WWP2: variants seen among roughly 807,000 people sequenced by gnomAD.
The protein encoded by WWP2 is NEDD4-like E3 ubiquitin-protein ligase WWP2.
Under a neutral mutation model 121.0 loss-of-function variants are expected in WWP2, and 57 were observed. That is an observed-to-expected ratio of 0.47 (90% CI 0.38 to 0.59). WWP2 has a LOEUF of 0.59. Among genes scored for constraint, WWP2 ranks in the 20% least tolerant of loss-of-function variants. WWP2 has a pLI of 0.00. For missense variants in WWP2, 962 were observed against 1,158.9 expected, an observed-to-expected ratio of 0.83 and a Z score of 2.47; for synonymous variants, 449 against 441.3, an observed-to-expected ratio of 1.02 and a Z score of -0.22.
intron 9 of WWP2, among the ~76,000 whole-genome samples, chr16:69,914,517 G>A (rs572745737): frequency 6.6e-6 from 1 of 152,090 alleles, no homozygotes; most frequent in Non-Finnish European, 1.5e-5. Flanking sequence ...CAGCACTTTG[G>A]GGGGCCAAGG....
intron 4 of WWP2, among the ~76,000 whole-genome samples, chr16:69,834,681 C>G (rs1297493032): frequency 6.6e-6 from 1 of 151,244 alleles, no homozygotes; most frequent in Admixed American, 6.6e-5. Flanking sequence ...TGCCCGCTAC[C>G]ACACCCAGCT....
intron 4 of WWP2, among the ~76,000 whole-genome samples, chr16:69,822,035 T>A (rs1456232070): frequency 1.3e-5 from 2 of 151,910 alleles, no homozygotes; most frequent in African/African-American, 2.4e-5. Flanking sequence ...TGCCCAGCTT[T>A]TTTGTATTTT....
chr16:69,856,055 T>C (rs1297929618), intron 6 of WWP2, among the ~76,000 whole-genome samples: 21 of 152,318 alleles, frequency 1.4e-4, no homozygotes, highest in South Asian at 2.1e-4. Context: ...GAGGATTGCT[T>C]GAGTCCAGGA....
intron 4 of WWP2, among the ~76,000 whole-genome samples, chr16:69,832,989 G>A (rs2056818978): frequency 6.6e-6 from 1 of 152,160 alleles, no homozygotes; most frequent in Non-Finnish European, 1.5e-5. Flanking sequence ...ATGAAGGTGG[G>A]ACCGCAGGTG....
Position 69,940,159 on chromosome 16 carries a change from C to T in WWP2, c.*219C>T, listed in dbSNP as rs1195627334. On this transcript the variant is annotated 3_prime_UTR_variant, in exon 24 of 24. Coordinates refer to ENST00000359154, the MANE Select transcript of WWP2 (RefSeq NM_001270454.2). ...GTCTGGAATAAAGCCCCCTAGTTGC[C>T]TTTGGCCCCACCTTTGCAAAGTTCC... 1 of 576,124 alleles carries T rather than the reference C, an allele frequency of 1.7e-6. No individual in the cohort carries two copies. The highest frequency in any genetic ancestry group is 3.1e-5 in the Admixed American group (1 of 31,832). The allele number at this position is 576,124 out of a possible 1,614,324, so 35.7% of individuals were successfully genotyped here.
At chr16:69,801,516 C>A (rs1462798168) in intron 4 of WWP2, among the ~76,000 whole-genome samples, 1 of 151,798 alleles carries the variant, frequency 6.6e-6, no homozygotes, top group African/African-American at 2.4e-5. Flanking sequence ...ATTACAGATG[C>A]GAGCCACTGC....
At chr16:69,843,951 G>A (rs550388315) in intron 6 of WWP2, among the ~76,000 whole-genome samples, 8 of 152,268 alleles carry the variant, frequency 5.3e-5, no homozygotes, top group East Asian at 3.9e-4. Context: ...GCCAATACCC[G>A]CAGCATCTTA....
chr16:69,851,747 G>A (rs547072895), intron 6 of WWP2, among the ~76,000 whole-genome samples: 6 of 152,172 alleles, frequency 3.9e-5, no homozygotes, highest in African/African-American at 9.6e-5. Flanking sequence ...GTGGGAGGCC[G>A]AGGCAGGCAT....
chr16:69,939,303 T>C, intron 22 of WWP2, 38 bp from the exon 23 acceptor site: 2 of 1,613,280 alleles, frequency 1.2e-6, no homozygotes, highest in Non-Finnish European at 1.7e-6. Flanking sequence ...GGAAGGGACG[T>C]CTCTGCTGAC....
intron 6 of WWP2, among the ~76,000 whole-genome samples, 168 bp downstream of exon 6, chr16:69,842,288 G>A (rs960439505): frequency 1.3e-5 from 2 of 152,054 alleles, no homozygotes; most frequent in Non-Finnish European, 2.9e-5. Context: ...CCAGAGCTTA[G>A]GATCCTTATT....
rs1003314861 is a variant in WWP2 at position 69,937,518 on chromosome 16, C to T, written c.2239-30C>T. ...TGGACGATGCGCGGGGAGGGACCTG[C>T]CGGGGATGCTGACTGCCGCCTCTCC... On this transcript the variant is annotated intron_variant, in intron 20 of 23. Coordinates refer to ENST00000359154, the MANE Select transcript of WWP2 (RefSeq NM_001270454.2). The surrounding 1 kb of genome is among the most constrained non-coding windows in gnomAD (Gnocchi z 6.6). 1 of 1,610,780 alleles carries T rather than the reference C, an allele frequency of 6.2e-7. No homozygotes were observed. The highest frequency in any genetic ancestry group is 1.7e-5 in the Admixed American group (1 of 59,918).
intron 6 of WWP2, 37 bp downstream of exon 6, chr16:69,842,157 G>T: frequency 1.3e-6 from 2 of 1,590,352 alleles, no homozygotes; most frequent in Non-Finnish European, 1.7e-6. Context: ...GAGCTAAGAA[G>T]TTGCTTAGAG....
chr16:69,880,907 G>A (rs1425017196), intron 7 of WWP2, among the ~76,000 whole-genome samples: 1 of 152,166 alleles, frequency 6.6e-6, no homozygotes, highest in Non-Finnish European at 1.5e-5. Flanking sequence ...TACACCACAC[G>A]CACCTAAGCA....
chr16:69,862,355 G>C (rs544224501), intron 6 of WWP2, among the ~76,000 whole-genome samples: 31 of 147,400 alleles, frequency 2.1e-4, no homozygotes, highest in African/African-American at 6.8e-4. Flanking sequence ...GTGAGCTACC[G>C]CGCCTGGCCC....
chr16:69,891,065 G>A (rs2058018551), intron 8 of WWP2, among the ~76,000 whole-genome samples: 1 of 152,092 alleles, frequency 6.6e-6, no homozygotes, highest in Admixed American at 6.5e-5. Context: ...GGGCTCTGTG[G>A]GCTGACTCGG....
At chr16:69,895,941 C>T (rs922061225) in intron 8 of WWP2, among the ~76,000 whole-genome samples, 1 of 152,086 alleles carries the variant, frequency 6.6e-6, no homozygotes, top group African/African-American at 2.4e-5. Context: ...TGTGACTCTG[C>T]AGGGATTGTT....
chr16:69,876,962 G>C (rs1246049621), intron 7 of WWP2, among the ~76,000 whole-genome samples: 1 of 152,122 alleles, frequency 6.6e-6, no homozygotes, highest in African/African-American at 2.4e-5. Flanking sequence ...AAGCAGAGTA[G>C]ATTTAGCATA....
chr16:69,794,632 A>C (rs894889264), intron 2 of WWP2, among the ~76,000 whole-genome samples: 2 of 152,256 alleles, frequency 1.3e-5, no homozygotes, highest in Non-Finnish European at 2.9e-5. Context: ...GATGGAATCA[A>C]CTATGTCCGA....
chr16:69,842,694 G>C (rs758066867), intron 6 of WWP2, among the ~76,000 whole-genome samples: 11 of 151,968 alleles, frequency 7.2e-5, no homozygotes, highest in Non-Finnish European at 1.5e-4. Context: ...TTTTGATATG[G>C]GGTCTTGCTT....
Sources: gnomAD v4.1 joint callset for allele counts (sites outside exome capture counted in the v4.1 genomes callset) on GRCh38, gnomAD v4.1.1 for gene constraint, Gnocchi (gnomAD v3.1) non-coding constraint, MANE v1.5 for transcripts, NCBI Gene and HGNC (gene_info 2026-07-23, HGNC 2026-07-21) for gene names.